RAB4A: variants seen among roughly 807,000 people sequenced by gnomAD.
RAB4A encodes RAB4A, member RAS oncogene family, also known as ras-related protein Rab-4A.
RAB4A carries 20 observed loss-of-function variants against 34.5 expected under a neutral mutation model. The ratio of observed to expected loss-of-function variants is 0.58; its 90% CI spans 0.41 to 0.84. The LOEUF is 0.84. Ranked by LOEUF, RAB4A falls within the 40% of genes least tolerant of loss-of-function variation. The probability of loss-of-function intolerance (pLI) is 0.00; values close to 1 mark genes in which losing one functional copy is unlikely to be tolerated. For synonymous variants in RAB4A, 102 were observed against 100.0 expected, an observed-to-expected ratio of 1.02 and a Z score of -0.12; for missense variants, 228 against 274.5, an observed-to-expected ratio of 0.83 and a Z score of 1.20.
chr1:229,275,303 C>T (rs1656612142), intron 1 of RAB4A, among the ~76,000 whole-genome samples: 1 of 152,066 alleles, frequency 6.6e-6, no homozygotes, highest in South Asian at 2.1e-4. Context: ...CATCTACCAG[C>T]CAAGGAGTGC....
chr1:229,300,939 A>G (rs1657371466), intron 6 of RAB4A, among the ~76,000 whole-genome samples: 1 of 152,202 alleles, frequency 6.6e-6, no homozygotes, highest in Admixed American at 6.5e-5. Flanking sequence ...GAAGAAAATC[A>G]AGGGAATGTG....
At chr1:229,275,815 G>A (rs576046075) in intron 1 of RAB4A, among the ~76,000 whole-genome samples, 4 of 151,148 alleles carry the variant, frequency 2.6e-5, no homozygotes, top group Admixed American at 2.0e-4. Flanking sequence ...TAGTAGAGGC[G>A]GGGTTTCACT....
intron 1 of RAB4A, among the ~76,000 whole-genome samples, chr1:229,273,528 T>G (rs1438894369): frequency 6.6e-6 from 1 of 152,144 alleles, no homozygotes; most frequent in Non-Finnish European, 1.5e-5. Flanking sequence ...TCACTTGAGC[T>G]CAGGAGTTCA....
intron 1 of RAB4A, among the ~76,000 whole-genome samples, chr1:229,280,017 T>C (rs753695391): frequency 6.6e-6 from 1 of 152,238 alleles, no homozygotes; most frequent in Non-Finnish European, 1.5e-5. Context: ...TATTCACCTG[T>C]TCCTGTTAAG....
chr1:229,273,682 T>A (rs1398779775), intron 1 of RAB4A, among the ~76,000 whole-genome samples: 1 of 152,292 alleles, frequency 6.6e-6, no homozygotes, highest in East Asian at 1.9e-4. Context: ...AAGTTTACAG[T>A]GAGCCAAGAT....
chr1:229,302,291 ATATATATATATATATATATTTT>A (rs1377013780), intron 6 of RAB4A, among the ~76,000 whole-genome samples: 39 of 23,058 alleles, frequency 1.7e-3, no homozygotes, highest in East Asian at 6.1e-3. Context: ...ATATATATAT[ATATATATATATATATATATTTT>A]TTTTTTTTTT....
chr1:229,287,225 A>G (rs1290656975), intron 2 of RAB4A, among the ~76,000 whole-genome samples: 1 of 152,238 alleles, frequency 6.6e-6, no homozygotes, highest in East Asian at 1.9e-4. Flanking sequence ...AATTAAGTTT[A>G]TCTTAAGAAA....
intron 1 of RAB4A, among the ~76,000 whole-genome samples, chr1:229,271,609 C>A (rs1328737987): frequency 6.6e-6 from 1 of 152,176 alleles, no homozygotes. Flanking sequence ...TTGGCGTGAT[C>A]CGCCTTTTCA....
intron 3 of RAB4A, among the ~76,000 whole-genome samples, chr1:229,289,949 G>A (rs1392595757): frequency 6.6e-6 from 1 of 152,104 alleles, no homozygotes; most frequent in Non-Finnish European, 1.5e-5. Context: ...TTCCCTCTCA[G>A]AACCCCACTG....
At chr1:229,292,235 AG>A (rs72293562) in intron 3 of RAB4A, among the ~76,000 whole-genome samples, 10,662 of 151,458 alleles carry the variant, frequency 0.07, 478 homozygotes, top group Middle Eastern at 0.12. Flanking sequence ...AATAAATAAA[AG>A]GAAAAAAAAA....
Position 229,305,318 on chromosome 1 carries a change from C to G in RAB4A, c.*1525C>G. ...ATTTATGATAGATTTGCAAGCTGCT[C>G]ATTTTTGAACAGCTTTTTGCATGGG... On this transcript the variant is annotated 3_prime_UTR_variant, in exon 8 of 8. Transcript: ENST00000366690. 1 of 1,571,798 alleles carries G rather than the reference C, an allele frequency of 6.4e-7. No individual in the cohort carries two copies. Among genetic ancestry groups the G allele is most frequent in the Non-Finnish European group, 8.6e-7 (1 of 1,162,426 alleles).
rs371229188 is a variant in RAB4A at position 229,298,973 on chromosome 1, T to G, written c.446-4T>G. On this transcript the variant is annotated splice_polypyrimidine_tract_variant and splice_region_variant and intron_variant, in intron 5 of 7. Transcript: ENST00000366690. ...GACTTTATTTTGTTTGATGTCCATT[T>G]TAGAGCTGATGTTTTTGGAAACAAG... 1.2e-6 allele frequency: 2 copies of G among 1,605,676 alleles called. No homozygotes were observed. Among genetic ancestry groups the G allele is most frequent in the African/African-American group, 2.7e-5 (2 of 74,506 alleles).
At chr1:229,301,095 C>G (rs1376628154) in intron 6 of RAB4A, among the ~76,000 whole-genome samples, 1 of 152,052 alleles carries the variant, frequency 6.6e-6, no homozygotes, top group Non-Finnish European at 1.5e-5. Context: ...TCATTTTGAT[C>G]AAGAACAATT....
intron 5 of RAB4A, among the ~76,000 whole-genome samples, chr1:229,298,685 C>T (rs1468528828): frequency 1.3e-5 from 2 of 152,348 alleles, no homozygotes; most frequent in East Asian, 1.9e-4. Context: ...AAGCCAGCTC[C>T]TTTCTGATGG....
chr1:229,305,877 T>G lies in RAB4A; in HGVS notation c.*2084T>G, dbSNP rs1453802560. The stretch of plus-strand genomic sequence containing the variant: ...TAATAGTATTTAAAGAATCTGATGC[T>G]AAAATTAGAAACCTAAATGATTTGT... On this transcript the variant is annotated 3_prime_UTR_variant, in exon 8 of 8. Transcript: ENST00000366690. The G allele has an allele frequency of 6.6e-6, 1 of 152,240 alleles. No homozygotes were observed. The highest frequency in any genetic ancestry group is 1.5e-5 in the Non-Finnish European group (1 of 68,030). The allele number at this position is 152,240 out of a possible 1,614,324, so 9.4% of individuals were successfully genotyped here. A position where few individuals can be genotyped will look rare whatever the true frequency, so the allele number is the denominator to read the frequency against.
chr1:229,296,597 C>G lies in RAB4A; in HGVS notation c.290+687C>G, dbSNP rs1013376228. On this transcript the variant is annotated intron_variant, in intron 4 of 7. Coordinates refer to ENST00000366690, the MANE Select transcript of RAB4A (RefSeq NM_004578.4). ...AGAACATTCCTATCCATGAGGAAATCACATTCAGCAGTGCTGATCTCAGTA... is the reference window on the plus strand; with the variant it reads ...AGAACATTCCTATCCATGAGGAAATGACATTCAGCAGTGCTGATCTCAGTA... Among the ~76,000 whole-genome samples, 147 of 152,308 alleles carry G rather than the reference C, an allele frequency of 9.7e-4. 2 individuals are homozygous for G. The highest frequency in any genetic ancestry group is 4.7e-4 in the Non-Finnish European group (32 of 68,018).
At chr1:229,280,927 A>G (rs920190823) in intron 1 of RAB4A, among the ~76,000 whole-genome samples, 1 of 152,130 alleles carries the variant, frequency 6.6e-6, no homozygotes, top group African/African-American at 2.4e-5. Flanking sequence ...TTCTCTGGAG[A>G]TACATTCCAG....
chr1:229,286,818 G>A (rs1656936007), intron 2 of RAB4A, among the ~76,000 whole-genome samples: 1 of 152,200 alleles, frequency 6.6e-6, no homozygotes, highest in Non-Finnish European at 1.5e-5. Context: ...TAGTGATGTT[G>A]AAGATAGCAG....
chr1:229,279,991 T>C (rs1283610573), intron 1 of RAB4A, among the ~76,000 whole-genome samples: 3 of 152,240 alleles, frequency 2.0e-5, no homozygotes. Context: ...CTTCATTAAT[T>C]ACTCTGTAAT....
Sources: allele counts gnomAD v4.1 joint callset (sites outside exome capture counted in the v4.1 genomes callset), GRCh38; gene constraint gnomAD v4.1.1; transcripts MANE v1.5; gene names NCBI Gene and HGNC (gene_info 2026-07-23, HGNC 2026-07-21).